The following SYTL3 variants were observed in gnomAD, a reference collection of about 807,000 sequenced individuals.
The protein encoded by SYTL3 is synaptotagmin-like protein 3.
In SYTL3, 88 loss-of-function variants were observed where a neutral mutation model predicts 82.1. That is an observed-to-expected ratio of 1.07 (90% CI 0.90 to 1.28). SYTL3 has a LOEUF of 1.28. SYTL3 is among the 50% of genes most tolerant of loss of function. The probability of loss-of-function intolerance (pLI) is 0.00; values close to 1 mark genes in which losing one functional copy is unlikely to be tolerated. For synonymous variants in SYTL3, 311 were observed against 289.4 expected, an observed-to-expected ratio of 1.07 and a Z score of -0.76; for missense variants, 831 against 757.6, an observed-to-expected ratio of 1.10 and a Z score of -1.14.
upstream of SYTL3, among the ~76,000 whole-genome samples, chr6:158,645,245 A>G (rs572530762): frequency 2.1e-4 from 32 of 152,104 alleles, no homozygotes; most frequent in Middle Eastern, 3.4e-3. Flanking sequence ...GTAAATGAGA[A>G]TTTTTCCTTT....
chr6:158,730,237 G>A (rs543358502), intron 11 of SYTL3, among the ~76,000 whole-genome samples: 114 of 152,286 alleles, frequency 7.5e-4, no homozygotes, highest in Non-Finnish European at 1.2e-3. Flanking sequence ...TAGATTGTAA[G>A]GTCTGGCTCC....
intron 10 of SYTL3, among the ~76,000 whole-genome samples, chr6:158,724,320 A>G (rs73593045): frequency 4.6e-5 from 7 of 152,358 alleles, no homozygotes; most frequent in South Asian, 4.1e-4. Context: ...GATGGAAAGC[A>G]TAAATAATTT....
At chr6:158,713,052 G>A (rs940551448) in intron 8 of SYTL3, among the ~76,000 whole-genome samples, 26 of 152,172 alleles carry the variant, frequency 1.7e-4, no homozygotes, top group African/African-American at 5.3e-4. Context: ...GAGCCACCGC[G>A]CCTGGCCTCT....
At chr6:158,702,326 CAAAAAAAAAAAA>C (rs1193990568) in intron 6 of SYTL3, among the ~76,000 whole-genome samples, 5 of 70,654 alleles carry the variant, frequency 7.1e-5, no homozygotes, top group African/African-American at 2.4e-4. Context: ...GACTCTGTCT[CAAAAAAAAAAAA>C]AAAAAAAATT....
rs756557218 is a variant in SYTL3 at position 158,764,668 on chromosome 6, A to C, written c.*64A>C. On this transcript the variant is annotated 3_prime_UTR_variant, in exon 18 of 18. Coordinates refer to ENST00000611299, the MANE Select transcript of SYTL3 (RefSeq NM_001242394.2). ...GGCACTGTGCGTCTGCAGAGGGGCT[A>C]CGAACCAGGTGCAGGGTCCCAGCTG... 2.5e-6 allele frequency: 3 copies of C among 1,204,900 alleles called. No individual in the cohort carries two copies. In the South Asian group the frequency reaches 3.7e-5, roughly 15 times the overall value. The allele number at this position is 1,204,900 out of a possible 1,614,324, so 74.6% of individuals were successfully genotyped here.
At chr6:158,726,067 G>T (rs1357661343) in intron 11 of SYTL3, 7 of 520,224 alleles carry the variant, frequency 1.3e-5, no homozygotes, top group Non-Finnish European at 2.6e-5. Context: ...CAGGATCAAT[G>T]TAGTGAAACA....
chr6:158,725,308 G>A (rs947840460), intron 10 of SYTL3, among the ~76,000 whole-genome samples, 195 bp from the exon 11 acceptor site: 8 of 151,850 alleles, frequency 5.3e-5, no homozygotes, highest in South Asian at 2.1e-4. Flanking sequence ...TCGCATGCGC[G>A]TGTGTGGTGT....
chr6:158,708,847 C>G (rs1264606300), intron 8 of SYTL3, among the ~76,000 whole-genome samples: 1 of 152,186 alleles, frequency 6.6e-6, no homozygotes, highest in Non-Finnish European at 1.5e-5. Flanking sequence ...GGGCAGTTAC[C>G]TGGGTTTCCC....
chr6:158,702,794 T>C (rs6919936), intron 6 of SYTL3, among the ~76,000 whole-genome samples: 37,906 of 151,222 alleles, frequency 0.25, 5,410 homozygotes, highest in African/African-American at 0.38. Flanking sequence ...ACAAAATCCG[T>C]TTTGTCACTT....
Position 158,665,526 on chromosome 6 carries a change from G to C in SYTL3, c.242G>C (p.Arg81Pro). The C allele has an allele frequency of 6.3e-7, 1 of 1,591,634 alleles. No individual in the cohort carries two copies. The highest frequency in any genetic ancestry group is 8.5e-7 in the Non-Finnish European group (1 of 1,169,910). ...CTGCTGCACCGGGGCGCCGTGTGCC[G>C]GGGCTGCAGCCACCGCGTGTGTGCC... ...GFLLHRGAVC[R>P]GCSHRVCAQC... Residue 81 changes from arginine to proline, a missense_variant, in exon 5 of 18, where the codon CGG becomes CCG. By Grantham distance (103) the Arg-to-Pro change is moderately radical (BLOSUM62 -2). Coordinates refer to ENST00000611299, the MANE Select transcript of SYTL3 (RefSeq NM_001242394.2).
intron 13 of SYTL3, among the ~76,000 whole-genome samples, chr6:158,755,749 G>A (rs1212063796): frequency 6.6e-6 from 1 of 152,234 alleles, no homozygotes; most frequent in Non-Finnish European, 1.5e-5. Context: ...CTGCAAATGG[G>A]TGCAAGTGTC....
intron 3 of SYTL3, among the ~76,000 whole-genome samples, chr6:158,661,681 C>T (rs887531269): frequency 3.3e-5 from 5 of 152,188 alleles, no homozygotes; most frequent in African/African-American, 1.2e-4. Context: ...TAACCTTTAA[C>T]TCAAATTTAG....
At chr6:158,682,504 T>C (rs1778822181) in intron 5 of SYTL3, among the ~76,000 whole-genome samples, 2 of 151,190 alleles carry the variant, frequency 1.3e-5, no homozygotes, top group South Asian at 2.1e-4. Flanking sequence ...GGACTACAGG[T>C]GCCCGCCACC....
At chr6:158,692,861 G>T (rs1780057649) in intron 6 of SYTL3, among the ~76,000 whole-genome samples, 1 of 151,958 alleles carries the variant, frequency 6.6e-6, no homozygotes, top group South Asian at 2.1e-4. Flanking sequence ...TGAGGCAGGA[G>T]AATGGCATGA....
chr6:158,653,373 G>A (rs1443997067), intron 2 of SYTL3, among the ~76,000 whole-genome samples: 1 of 152,104 alleles, frequency 6.6e-6, no homozygotes, highest in Non-Finnish European at 1.5e-5. Context: ...GAGGATGGTG[G>A]TGCATGCCTG....
At chr6:158,657,233 C>T (rs1377175979) in intron 2 of SYTL3, among the ~76,000 whole-genome samples, 2 of 152,022 alleles carry the variant, frequency 1.3e-5, no homozygotes, top group Non-Finnish European at 2.9e-5. Context: ...CAAGACCAGT[C>T]TGGCCAACAT....
intron 13 of SYTL3, among the ~76,000 whole-genome samples, chr6:158,756,719 A>ATTTT (rs758259824): frequency 0.17 from 8,340 of 48,472 alleles, 1,131 homozygotes; most frequent in East Asian, 0.65. Context: ...TCAAAAAAAA[A>ATTTT]TTTTTTTTTT....
chr6:158,742,833 C>G (rs6921704), intron 11 of SYTL3, among the ~76,000 whole-genome samples: 1 of 152,162 alleles, frequency 6.6e-6, no homozygotes, highest in East Asian at 1.9e-4. Flanking sequence ...ATGATCTGCC[C>G]GCCTCGGCCT....
At chr6:158,730,835 A>T (rs1785309668) in intron 11 of SYTL3, among the ~76,000 whole-genome samples, 1 of 152,214 alleles carries the variant, frequency 6.6e-6, no homozygotes, top group Non-Finnish European at 1.5e-5. Flanking sequence ...AGGGGCGGTA[A>T]AGCATTCCTT....
Sources: gnomAD v4.1 joint callset for allele counts (sites outside exome capture counted in the v4.1 genomes callset) on GRCh38, gnomAD v4.1.1 for gene constraint, MANE v1.5 for transcripts, NCBI Gene and HGNC (gene_info 2026-07-23, HGNC 2026-07-21) for gene names.